The following RSU1 variants were observed in gnomAD, a reference collection of about 807,000 sequenced individuals.
The protein encoded by RSU1 is rsu-1.
A neutral mutation model predicts 31.1 loss-of-function variants in RSU1; 26 were observed. That is an observed-to-expected ratio of 0.84 (90% CI 0.61 to 1.16). The LOEUF (loss-of-function observed/expected upper bound fraction) is 1.16, where lower values mean the gene tolerates loss of function less well. Among genes scored for constraint, RSU1 ranks in the 50% most tolerant of loss-of-function variants. RSU1 has a pLI of 0.00. For synonymous variants in RSU1, 164 were observed against 136.3 expected (o/e 1.20, Z -1.41); for missense variants, 320 against 339.1 (o/e 0.94, Z 0.44).
chr10:16,600,192 G>A (rs1198090763), intron 8 of RSU1, among the ~76,000 whole-genome samples: 2 of 152,312 alleles, frequency 1.3e-5, no homozygotes, highest in East Asian at 3.9e-4. Flanking sequence ...TGGGAGATGA[G>A]TGAACCAGTC....
At chr10:16,756,478 G>C (rs990283644) in intron 4 of RSU1, among the ~76,000 whole-genome samples, 1 of 152,046 alleles carries the variant, frequency 6.6e-6, no homozygotes, top group African/African-American at 2.4e-5. Flanking sequence ...TTCCTCCTCA[G>C]CCCACTCAAC....
chr10:16,695,239 A>G (rs1835652831), intron 7 of RSU1, 84 bp from the exon 8 acceptor site: 1 of 1,344,804 alleles, frequency 7.4e-7, no homozygotes. Context: ...ATCACAGCCT[A>G]AGTACCCTAA....
intron 7 of RSU1, among the ~76,000 whole-genome samples, chr10:16,700,641 G>A (rs751132539): frequency 6.6e-5 from 10 of 152,300 alleles, no homozygotes; most frequent in African/African-American, 9.6e-5. Flanking sequence ...ACAAGTGGCC[G>A]ACTCTGGAAA....
At chr10:16,777,532 G>C (rs1045229814) in intron 3 of RSU1, among the ~76,000 whole-genome samples, 1 of 152,174 alleles carries the variant, frequency 6.6e-6, no homozygotes, top group Non-Finnish European at 1.5e-5. Flanking sequence ...TGCAGGGCCG[G>C]AGAGCCTGCA....
intron 4 of RSU1, among the ~76,000 whole-genome samples, chr10:16,760,281 A>T (rs1837180463): frequency 6.6e-6 from 1 of 152,132 alleles, no homozygotes; most frequent in African/African-American, 2.4e-5. Flanking sequence ...AGGCCGAGGC[A>T]GGTGGATCAC....
In RSU1 at chr10:16,777,881, T is replaced by C. The variant is rs542833612; in HGVS notation, c.160+4153A>G. Among the ~76,000 whole-genome samples, 3 of 152,294 alleles carry C rather than the reference T, an allele frequency of 2.0e-5. No individual in the cohort carries two copies. The South Asian group carries it at 6.2e-4, about 32-fold the overall frequency. On this transcript the variant is annotated intron_variant, in intron 3 of 8. Transcript: ENST00000345264. ...GGCATTATTGCTGCCTTCCCACGCA[T>C]CTGAGCGGTCATGAAAACAGTTTCC...
chr10:16,715,983 A>T (rs1013484731), intron 7 of RSU1, among the ~76,000 whole-genome samples: 1 of 152,222 alleles, frequency 6.6e-6, no homozygotes, highest in Non-Finnish European at 1.5e-5. Flanking sequence ...AAGAGTCAAA[A>T]CAAAGTAGAA....
intron 7 of RSU1, among the ~76,000 whole-genome samples, chr10:16,728,091 C>T (rs187980729): frequency 1.4e-4 from 22 of 152,288 alleles, no homozygotes; most frequent in Non-Finnish European, 2.8e-4. Flanking sequence ...CTGAATGAGA[C>T]TATTTGCAAG....
chr10:16,769,469 A>C (rs1331579653), intron 3 of RSU1, among the ~76,000 whole-genome samples: 1 of 152,236 alleles, frequency 6.6e-6, no homozygotes, highest in Non-Finnish European at 1.5e-5. Context: ...GACCGTTTCC[A>C]TCACCGCAAA....
At chr10:16,782,437 G>A (rs779700426) in intron 2 of RSU1, among the ~76,000 whole-genome samples, 1 of 152,172 alleles carries the variant, frequency 6.6e-6, no homozygotes, top group Non-Finnish European at 1.5e-5. Context: ...ACCAGCCAAG[G>A]GGGCAGAGGT....
At chr10:16,711,225 T>C (rs1358405245) in intron 7 of RSU1, among the ~76,000 whole-genome samples, 1 of 152,200 alleles carries the variant, frequency 6.6e-6, no homozygotes, top group Non-Finnish European at 1.5e-5. Context: ...TCTCTATAAT[T>C]TTCTGTATTT....
At chr10:16,707,283 A>T (rs1835925653) in intron 7 of RSU1, among the ~76,000 whole-genome samples, 1 of 152,136 alleles carries the variant, frequency 6.6e-6, no homozygotes, top group Non-Finnish European at 1.5e-5. Flanking sequence ...ATTGTATGGT[A>T]GTCCTATTTT....
chr10:16,718,473 A>G (rs966451619), intron 7 of RSU1, among the ~76,000 whole-genome samples: 1 of 152,172 alleles, frequency 6.6e-6, no homozygotes, highest in Non-Finnish European at 1.5e-5. Context: ...ACAAGGGCAA[A>G]AATTTTTGTT....
chr10:16,707,875 T>C (rs907070829), intron 7 of RSU1, among the ~76,000 whole-genome samples: 1 of 152,126 alleles, frequency 6.6e-6, no homozygotes, highest in African/African-American at 2.4e-5. Flanking sequence ...TTTTAATCTG[T>C]TTTGATTTTT....
intron 8 of RSU1, among the ~76,000 whole-genome samples, chr10:16,668,906 T>C (rs76502765): frequency 0.01 from 1,595 of 152,324 alleles, 21 homozygotes; most frequent in African/African-American, 0.036. Context: ...TGTGTACAAA[T>C]ATGGCTGGTT....
At chr10:16,766,574 G>T (rs1483341498) in intron 3 of RSU1, among the ~76,000 whole-genome samples, 1 of 152,142 alleles carries the variant, frequency 6.6e-6, no homozygotes, top group Admixed American at 6.5e-5. Context: ...AATTAGCTGG[G>T]CATGGTGGCA....
intron 8 of RSU1, among the ~76,000 whole-genome samples, chr10:16,616,766 C>T (rs1833984825): frequency 1.3e-5 from 2 of 152,172 alleles, no homozygotes; most frequent in Admixed American, 1.3e-4. Flanking sequence ...GGACAAACAC[C>T]ACATGATTAT....
chr10:16,646,170 T>C (rs1834567250), intron 8 of RSU1, among the ~76,000 whole-genome samples: 1 of 151,270 alleles, frequency 6.6e-6, no homozygotes, highest in African/African-American at 2.4e-5. Context: ...CTGGAACCAC[T>C]GGGCACAGCT....
chr10:16,777,185 TAC>T (rs1214815540), intron 3 of RSU1, among the ~76,000 whole-genome samples: 1 of 152,062 alleles, frequency 6.6e-6, no homozygotes, highest in Non-Finnish European at 1.5e-5. Flanking sequence ...ATGCACAAAA[TAC>T]ACATTTTCCT....
Sources: allele counts gnomAD v4.1 joint callset (sites outside exome capture counted in the v4.1 genomes callset), GRCh38; gene constraint gnomAD v4.1.1; transcripts MANE v1.5; gene names NCBI Gene and HGNC (gene_info 2026-07-23, HGNC 2026-07-21).